The following MYO1E variants were observed in gnomAD, a reference collection of about 807,000 sequenced individuals.
MYO1E encodes the protein unconventional myosin-Ie.
MYO1E carries 68 observed loss-of-function variants against 151.1 expected under a neutral mutation model. That is an observed-to-expected ratio of 0.45 (90% confidence interval 0.37 to 0.55). The LOEUF (loss-of-function observed/expected upper bound fraction) is 0.55. Ranked by LOEUF, MYO1E falls within the 20% of genes least tolerant of loss-of-function variation. The pLI is 0.00. For synonymous variants in MYO1E, 601 were observed against 501.7 expected (o/e 1.20, Z -2.64); for missense variants, 1,363 against 1,389.3 (o/e 0.98, Z 0.30).
rs573333053 is a variant in MYO1E at position 59,372,770 on chromosome 15, G to C, written c.-270C>G. The C allele has an allele frequency of 5.0e-5, 27 of 535,994 alleles. No individual in the cohort carries two copies. The South Asian group carries it at 6.0e-4, about 12-fold the overall frequency. The allele number at this position is 535,994 out of a possible 1,614,324, so 33.2% of individuals were successfully genotyped here. On this transcript the variant is annotated 5_prime_UTR_variant, in exon 1 of 28. Coordinates refer to ENST00000288235, the MANE Select transcript of MYO1E (RefSeq NM_004998.4). Reference sequence around the variant, plus strand: ...AGTCCACTCGTACTCGCCGGTCGCCGCCGGCCCAGGTGAGTCCGATGCGCT... The same window carrying C: ...AGTCCACTCGTACTCGCCGGTCGCCCCCGGCCCAGGTGAGTCCGATGCGCT...
chr15:59,366,244 G>A (rs2080912221), intron 1 of MYO1E, among the ~76,000 whole-genome samples: 1 of 152,006 alleles, frequency 6.6e-6, no homozygotes, highest in Admixed American at 6.6e-5. Flanking sequence ...CCCCCAAAGT[G>A]CTGGGATTAC....
At chr15:59,230,046 T>C (rs1301597713) in intron 6 of MYO1E, among the ~76,000 whole-genome samples, 2 of 152,196 alleles carry the variant, frequency 1.3e-5, no homozygotes, top group Admixed American at 6.5e-5. Flanking sequence ...TTAATAACAA[T>C]TGCCCAATCA....
In MYO1E at chr15:59,224,716, G is replaced by C; in HGVS notation, c.750C>G (p.Asp250Glu). The C allele has an allele frequency of 6.2e-7, 1 of 1,614,206 alleles. No homozygotes were observed. Reference sequence around the variant, plus strand: ...GAGTTTCCTGAAACTCCCGCCTGTCGTCAATGTCATCAACCTTGTATGAGC... The same window carrying C: ...GAGTTTCCTGAAACTCCCGCCTGTCCTCAATGTCATCAACCTTGTATGAGC... ...LSGSYKVDDI[D>E]DRREFQETLH... The change falls in exon 8 of 28, where the codon GAC (aspartate) becomes GAG (glutamate). Residue 250 changes from aspartate (D) to glutamate (E), a missense_variant. Physicochemically the swap from Asp to Glu is conservative, Grantham distance 45. Coordinates refer to ENST00000288235, the MANE Select transcript of MYO1E (RefSeq NM_004998.4).
intron 1 of MYO1E, among the ~76,000 whole-genome samples, chr15:59,345,496 T>C (rs1052695442): frequency 6.6e-6 from 1 of 152,152 alleles, no homozygotes; most frequent in Non-Finnish European, 1.5e-5. Flanking sequence ...TTTTTAGAAA[T>C]AGGGGTCTTA....
chr15:59,272,987 T>C (rs1479525855), intron 1 of MYO1E, among the ~76,000 whole-genome samples: 2 of 152,216 alleles, frequency 1.3e-5, no homozygotes, highest in Non-Finnish European at 2.9e-5. Context: ...TCTCAAGTCA[T>C]CTAAATTACT....
chr15:59,360,813 T>A (rs1243681819), intron 1 of MYO1E, among the ~76,000 whole-genome samples: 1 of 152,142 alleles, frequency 6.6e-6, no homozygotes, highest in African/African-American at 2.4e-5. Context: ...CAGAGAAAAC[T>A]GGAGCTACCA....
chr15:59,313,875 T>G (rs1382422399), intron 1 of MYO1E, among the ~76,000 whole-genome samples: 1 of 152,150 alleles, frequency 6.6e-6, no homozygotes, highest in Non-Finnish European at 1.5e-5. Flanking sequence ...CCACATGAAA[T>G]TATGAGAATG....
chr15:59,268,718 G>GTTTTTTTTTTTTTTTTTT (rs1452818863), intron 2 of MYO1E, among the ~76,000 whole-genome samples: 39 of 12,036 alleles, frequency 3.2e-3, no homozygotes, highest in Non-Finnish European at 4.9e-3. Flanking sequence ...GGTGACTTTG[G>GTTTTTTTTTTTTTTTTTT]TATTTTTTTT....
chr15:59,323,524 T>C (rs7168263), intron 1 of MYO1E, among the ~76,000 whole-genome samples: 30,016 of 151,362 alleles, frequency 0.2, 3,830 homozygotes, highest in African/African-American at 0.36. Context: ...GGCACGGTGG[T>C]GGGCGCTTGC....
chr15:59,268,533 A>G (rs2080269576), intron 2 of MYO1E, among the ~76,000 whole-genome samples: 1 of 152,136 alleles, frequency 6.6e-6, no homozygotes, highest in Non-Finnish European at 1.5e-5. Context: ...TGAATACTTA[A>G]TACAATGCAC....
chr15:59,183,739 T>C (rs1293344454), intron 18 of MYO1E, among the ~76,000 whole-genome samples: 3 of 152,206 alleles, frequency 2.0e-5, no homozygotes, highest in Non-Finnish European at 4.4e-5. Context: ...TATTTGACTA[T>C]AGTCACCCAG....
At chr15:59,274,199 G>C (rs774298896) in intron 1 of MYO1E, among the ~76,000 whole-genome samples, 1 of 152,202 alleles carries the variant, frequency 6.6e-6, no homozygotes, top group African/African-American at 2.4e-5. Context: ...CTCTGGAAAG[G>C]GATTCTGGAA....
At chr15:59,213,318 A>G (rs538101654) in intron 12 of MYO1E, among the ~76,000 whole-genome samples, 29 of 152,004 alleles carry the variant, frequency 1.9e-4, no homozygotes, top group African/African-American at 5.3e-4. Flanking sequence ...CTACAGGCAC[A>G]CACCATCACG....
chr15:59,269,789 G>C (rs2080278696), intron 2 of MYO1E, among the ~76,000 whole-genome samples: 1 of 152,026 alleles, frequency 6.6e-6, no homozygotes. Flanking sequence ...GGAGGCGAAG[G>C]TTGCAGTGAG....
chr15:59,137,410 C>T lies in MYO1E; in HGVS notation c.3297G>A (p.Leu1099=), dbSNP rs753237022. ...TCTTGGTCACATAGTTGTTGGGGAA[C>T]AGGCCCTGCTTGCCTCGTAGTCGAC... The part of the protein sequence containing the change: ...WTGRLRGKQG[L]FPNNYVTKI Residue 1099 remains leucine (L), a synonymous_variant, in exon 28 of 28, where the codon CTG becomes CTA. Transcript: ENST00000288235. 1 of 1,614,194 alleles carries T rather than the reference C, an allele frequency of 6.2e-7. No homozygotes were observed. Among genetic ancestry groups the T allele is most frequent in the East Asian group, 2.2e-5 (1 of 44,886 alleles).
chr15:59,250,032 C>T (rs928510878), intron 4 of MYO1E, among the ~76,000 whole-genome samples: 1 of 152,020 alleles, frequency 6.6e-6, no homozygotes. Context: ...GCATGAACCA[C>T]GGCATGCCAG....
chr15:59,220,130 T>C (rs1253086809), intron 9 of MYO1E, among the ~76,000 whole-genome samples: 1 of 152,178 alleles, frequency 6.6e-6, no homozygotes, highest in Admixed American at 6.5e-5. Context: ...TACATTTCCA[T>C]TAGTCTAAGG....
intron 6 of MYO1E, among the ~76,000 whole-genome samples, chr15:59,231,216 G>A (rs72746834): frequency 0.038 from 5,843 of 152,286 alleles, 180 homozygotes; most frequent in Non-Finnish European, 0.061. Context: ...CGGTGGGCAG[G>A]CAGCTCGCTC....
intron 23 of MYO1E, among the ~76,000 whole-genome samples, 162 bp downstream of exon 23, chr15:59,162,995 C>G (rs1191089734): frequency 1.3e-5 from 2 of 152,206 alleles, no homozygotes; most frequent in Admixed American, 1.3e-4. Context: ...TCTGTGACTA[C>G]TATCCAGACT....
Sources: allele counts gnomAD v4.1 joint callset (sites outside exome capture counted in the v4.1 genomes callset), GRCh38; gene constraint gnomAD v4.1.1; transcripts MANE v1.5; gene names NCBI Gene and HGNC (gene_info 2026-07-23, HGNC 2026-07-21).